PCSK5: variants seen among roughly 807,000 people sequenced by gnomAD.
PCSK5 encodes the protein prohormone convertase 5.
In PCSK5, 129 loss-of-function variants were observed where a neutral mutation model predicts 233.2. The observed-to-expected ratio is 0.55, with a 90% CI of 0.48 to 0.64. PCSK5 has a LOEUF of 0.64. PCSK5 is among the 30% of genes least tolerant of loss of function. The pLI is 0.00. For synonymous variants in PCSK5, 825 were observed against 879.2 expected (o/e 0.94, Z 1.09); for missense variants, 2,076 against 2,430.1 (o/e 0.85, Z 3.06).
intron 20 of PCSK5, among the ~76,000 whole-genome samples, chr9:76,198,216 T>C (rs1315047155): frequency 2.0e-5 from 3 of 152,202 alleles, no homozygotes; most frequent in Non-Finnish European, 2.9e-5. Context: ...ACAAGGTCTC[T>C]TCTCTAAAGG....
Position 76,323,057 on chromosome 9 carries a change from A to C in PCSK5, c.4108A>C (p.Thr1370Pro). Reference protein sequence around the residue: ...CIHEKTCKECTPEFFLHDDMC... With the variant: ...CIHEKTCKECPPEFFLHDDMC... ...CTGCTTCCTCCTTTTCCCAGAGTGC[A>C]CGCCTGAGTTCTTCCTGCACGATGA... Residue 1370 changes from threonine to proline, a missense_variant, in exon 32 of 38, where the codon ACG becomes CCG. This residue lies in a region of PCSK5 where 1,510 missense variants were observed against 1,538.1 expected (regional missense o/e 0.98). Transcript: ENST00000674117. 6.3e-7 allele frequency: 1 copy of C among 1,584,170 alleles called. No homozygotes were observed. Among genetic ancestry groups the C allele is most frequent in the South Asian group, 1.1e-5 (1 of 88,398 alleles).
In PCSK5 at chr9:76,239,061, A is replaced by G. The variant is rs779421275; in HGVS notation, c.2969A>G (p.Asp990Gly). Reference sequence around the variant, plus strand: ...GGGAACACCTGCCTGCCCTGCCCAGACAACTGTGAGCTTTGCCACAGCGTG... The same window carrying G: ...GGGAACACCTGCCTGCCCTGCCCAGGCAACTGTGAGCTTTGCCACAGCGTG... ...TEGNTCLPCP[D>G]NCELCHSVHV... is the part of the protein sequence containing the mutation. Residue 990 changes from aspartate (D) to glycine (G), a missense_variant, in exon 23 of 38, where the codon GAC becomes GGC. By Grantham distance (94) the Asp-to-Gly change is moderately conservative. Around this residue, in one of 6 missense-constraint regions of PCSK5, gnomAD observed 1,510 missense variants for 1,538.1 expected, o/e 0.98. Coordinates refer to ENST00000674117, the MANE Select transcript of PCSK5 (RefSeq NM_001372043.1). The G allele has an allele frequency of 1.2e-6, 2 of 1,611,370 alleles. No homozygotes were observed. Among genetic ancestry groups the G allele is most frequent in the Non-Finnish European group, 1.7e-6 (2 of 1,179,366 alleles).
At chr9:75,937,948 G>C (rs1234992295) in intron 2 of PCSK5, among the ~76,000 whole-genome samples, 1 of 152,194 alleles carries the variant, frequency 6.6e-6, no homozygotes, top group African/African-American at 2.4e-5. Context: ...TGAAGGAAAT[G>C]TTGTGGCTTG....
chr9:76,046,155 CTTTTGTTTTTTTTTTT>C (rs1829365692), intron 5 of PCSK5, among the ~76,000 whole-genome samples: 8 of 55,708 alleles, frequency 1.4e-4, no homozygotes, highest in African/African-American at 4.2e-4. Context: ...ATAATTTTTT[CTTTTGTTTTTTTTTTT>C]TTTTTTTTTT....
intron 30 of PCSK5, among the ~76,000 whole-genome samples, chr9:76,314,159 C>T (rs776661803): frequency 7.2e-5 from 11 of 152,120 alleles, no homozygotes; most frequent in East Asian, 1.9e-4. Flanking sequence ...GTTAGTTGAC[C>T]GCTTAATGTA....
intron 7 of PCSK5, among the ~76,000 whole-genome samples, chr9:76,085,956 C>T (rs536556001): frequency 7.2e-5 from 11 of 152,296 alleles, no homozygotes; most frequent in Admixed American, 1.3e-4. Flanking sequence ...CCTTTCATAC[C>T]TCTGTCAATA....
chr9:76,122,185 T>C (rs1832668812), intron 9 of PCSK5, among the ~76,000 whole-genome samples: 1 of 152,110 alleles, frequency 6.6e-6, no homozygotes, highest in Non-Finnish European at 1.5e-5. Flanking sequence ...TTTTCTTGGT[T>C]AAATTTTTTA....
At chr9:75,946,519 A>G (rs1252483074) in intron 2 of PCSK5, among the ~76,000 whole-genome samples, 1 of 152,092 alleles carries the variant, frequency 6.6e-6, no homozygotes, top group East Asian at 1.9e-4. Context: ...TTGCCATCAT[A>G]TTGCTTTTTT....
chr9:76,080,698 A>T (rs1830803356), intron 7 of PCSK5, among the ~76,000 whole-genome samples: 1 of 152,188 alleles, frequency 6.6e-6, no homozygotes, highest in Non-Finnish European at 1.5e-5. Flanking sequence ...TCTGAGGATC[A>T]GTTTGTTTCT....
intron 2 of PCSK5, among the ~76,000 whole-genome samples, chr9:75,952,667 A>T (rs545129824): frequency 1.3e-5 from 2 of 152,064 alleles, no homozygotes; most frequent in East Asian, 3.9e-4. Flanking sequence ...TGCTTTCCGG[A>T]CCTGTAGTTT....
intron 2 of PCSK5, among the ~76,000 whole-genome samples, chr9:75,932,878 A>C (rs542371036): frequency 6.6e-6 from 1 of 152,294 alleles, no homozygotes; most frequent in Non-Finnish European, 1.5e-5. Flanking sequence ...CAGAACCCTT[A>C]GGTCAGGGGT....
At position 75,929,001 on chromosome 9, in the gene PCSK5, T is replaced by A. The variant is rs371208383; in HGVS notation, c.193-3378T>A. ...ACCAGGCTGGAGTGCAGTGGCACGA[T>A]CTCGGCCCACTGCAACCTCCGCCTC... On this transcript the variant is annotated intron_variant, in intron 1 of 37. Coordinates refer to ENST00000674117, the MANE Select transcript of PCSK5 (RefSeq NM_001372043.1). Among the ~76,000 whole-genome samples the A allele has an allele frequency of 2.0e-5, 3 of 152,234 alleles. No homozygotes were observed. The South Asian group carries it at 6.2e-4, about 32-fold the overall frequency.
chr9:76,086,520 A>G (rs1831071064), intron 7 of PCSK5, among the ~76,000 whole-genome samples: 2 of 152,222 alleles, frequency 1.3e-5, no homozygotes, highest in African/African-American at 4.8e-5. Flanking sequence ...AGAATTGACC[A>G]GTATGAATTG....
intron 33 of PCSK5, among the ~76,000 whole-genome samples, chr9:76,330,261 A>G (rs1829486770): frequency 6.6e-6 from 1 of 152,218 alleles, no homozygotes; most frequent in African/African-American, 2.4e-5. Flanking sequence ...ATATGAAACA[A>G]TGTCCTCAGG....
chr9:76,038,627 G>A (rs1828965285), intron 5 of PCSK5, among the ~76,000 whole-genome samples: 1 of 152,138 alleles, frequency 6.6e-6, no homozygotes, highest in Non-Finnish European at 1.5e-5. Context: ...GGATAGGTTG[G>A]GCAGTGGAGC....
intron 1 of PCSK5, among the ~76,000 whole-genome samples, chr9:75,908,878 T>C (rs987756196): frequency 1.3e-4 from 10 of 77,586 alleles, no homozygotes; most frequent in African/African-American, 4.6e-4. Flanking sequence ...TTTCTATTTA[T>C]CTATCTATCT....
intron 24 of PCSK5, among the ~76,000 whole-genome samples, chr9:76,267,063 C>T (rs1002064600): frequency 2.0e-5 from 3 of 152,146 alleles, no homozygotes; most frequent in African/African-American, 4.8e-5. Context: ...TGAATGAAGG[C>T]CCCTGGAGGG....
At chr9:76,131,727 G>A (rs1262796425) in intron 9 of PCSK5, among the ~76,000 whole-genome samples, 1 of 151,846 alleles carries the variant, frequency 6.6e-6, no homozygotes, top group Non-Finnish European at 1.5e-5. Flanking sequence ...GGGAAAATGT[G>A]GATCTCCCAA....
intron 1 of PCSK5, among the ~76,000 whole-genome samples, chr9:75,923,403 A>G (rs1330184003): frequency 6.6e-6 from 1 of 152,112 alleles, no homozygotes; most frequent in Non-Finnish European, 1.5e-5. Context: ...TTCTAGGCAG[A>G]TTCCTTCATT....
Sources: gnomAD v4.1 joint callset for allele counts (sites outside exome capture counted in the v4.1 genomes callset) on GRCh38, gnomAD v4.1.1 for gene constraint, gnomAD v4.1.1 regional missense constraint, MANE v1.5 for transcripts, NCBI Gene and HGNC (gene_info 2026-07-23, HGNC 2026-07-21) for gene names.